Variants in PARD3B observed in about 807,000 individuals in gnomAD.
PARD3B encodes the protein partitioning defective 3 homolog B.
PARD3B carries 103 observed loss-of-function variants against 130.2 expected under a neutral mutation model. The ratio of observed to expected loss-of-function variants is 0.79; its 90% CI spans 0.67 to 0.93. PARD3B has a LOEUF of 0.93. Ranked by LOEUF, PARD3B falls within the 40% of genes least tolerant of loss-of-function variation. PARD3B has a pLI of 0.00. For missense variants in PARD3B, 1,609 were observed against 1,499.2 expected (o/e 1.07, Z -1.21); for synonymous variants, 583 against 553.2 (o/e 1.05, Z -0.76).
At chr2:205,549,472 A>G (rs576185978) in intron 21 of PARD3B, among the ~76,000 whole-genome samples, 1 of 152,314 alleles carries the variant, frequency 6.6e-6, no homozygotes, top group South Asian at 2.1e-4. Context: ...GAAATGAGCT[A>G]TCAAGCCATG....
chr2:205,442,411 G>A (rs1278664909), intron 20 of PARD3B, among the ~76,000 whole-genome samples: 1 of 144,994 alleles, frequency 6.9e-6, no homozygotes, highest in Non-Finnish European at 1.5e-5. Flanking sequence ...CGTTTCTCCT[G>A]CCTCAGCCTC....
chr2:205,337,237 A>G (rs2043347279), intron 18 of PARD3B, among the ~76,000 whole-genome samples: 2 of 152,192 alleles, frequency 1.3e-5, no homozygotes, highest in Admixed American at 1.3e-4. Context: ...ATATTTTGTG[A>G]CTTGAGGTTT....
intron 3 of PARD3B, among the ~76,000 whole-genome samples, chr2:204,974,225 A>G (rs1264061990): frequency 6.6e-6 from 1 of 152,194 alleles, no homozygotes; most frequent in Non-Finnish European, 1.5e-5. Flanking sequence ...GTAAAATTAG[A>G]GGAAAGGAAA....
Position 204,923,163 on chromosome 2 carries a change from C to T in PARD3B, c.223-41989C>T, listed in dbSNP as rs1269482079. 3.3e-5 allele frequency among the ~76,000 whole-genome samples: 5 copies of T among 151,848 alleles called. No homozygotes were observed. The South Asian group carries it at 8.3e-4, about 25-fold the overall frequency. ...TTATTAATTATATCAAGTGCTGAGACGAGAAAGTATTGACAATATCTGAAT... is the reference window on the plus strand; with the variant it reads ...TTATTAATTATATCAAGTGCTGAGATGAGAAAGTATTGACAATATCTGAAT... On this transcript the variant is annotated intron_variant, in intron 2 of 22. Transcript: ENST00000406610.
chr2:205,233,414 A>G (rs2038930289), intron 15 of PARD3B, among the ~76,000 whole-genome samples: 1 of 152,182 alleles, frequency 6.6e-6, no homozygotes, highest in African/African-American at 2.4e-5. Context: ...ATGGATCTAC[A>G]TAAATGAAGA....
Position 205,401,059 on chromosome 2 carries a change from G to A in PARD3B, c.2677G>A (p.Gly893Ser), listed in dbSNP as rs749882765. ...TAAGGGTGGAAAGGCTGAGCAGAAAGGTACTCTGAAACATGGTGGCCTGAG... is the reference window on the plus strand; with the variant it reads ...TAAGGGTGGAAAGGCTGAGCAGAAAAGTACTCTGAAACATGGTGGCCTGAG... ...EDKGGKAEQK[G>S]TLKHGGLREE... Residue 893 changes from glycine (G) to serine (S), a missense_variant, in exon 19 of 23, where the codon GGT becomes AGT. Coordinates refer to ENST00000406610, the MANE Select transcript of PARD3B (RefSeq NM_001302769.2). The A allele has an allele frequency of 6.2e-7, 1 of 1,604,070 alleles. No individual in the cohort carries two copies. Among genetic ancestry groups the A allele is most frequent in the Non-Finnish European group, 8.5e-7 (1 of 1,175,462 alleles).
At chr2:205,182,639 A>G (rs1419759890) in intron 13 of PARD3B, among the ~76,000 whole-genome samples, 1 of 152,216 alleles carries the variant, frequency 6.6e-6, no homozygotes, top group Non-Finnish European at 1.5e-5. Context: ...CAAAAGTGGC[A>G]TTTGATAAAT....
chr2:204,602,703 G>T (rs1031627102), intron 1 of PARD3B, among the ~76,000 whole-genome samples: 1 of 151,954 alleles, frequency 6.6e-6, no homozygotes, highest in African/African-American at 2.4e-5. Context: ...TGTTGGTGGG[G>T]GTGGGTGAGA....
intron 2 of PARD3B, among the ~76,000 whole-genome samples, chr2:204,959,708 T>A (rs1315288802): frequency 2.0e-5 from 3 of 152,312 alleles, no homozygotes; most frequent in Non-Finnish European, 4.4e-5. Context: ...GGTTTATGGA[T>A]ATCACTTTTT....
At chr2:205,170,379 G>A (rs993263175) in intron 11 of PARD3B, among the ~76,000 whole-genome samples, 20 of 152,160 alleles carry the variant, frequency 1.3e-4, no homozygotes, top group African/African-American at 4.6e-4. Flanking sequence ...TAAGTGAAAT[G>A]GGAAAACAAG....
intron 2 of PARD3B, among the ~76,000 whole-genome samples, chr2:204,729,730 G>C (rs867493808): frequency 6.6e-6 from 1 of 152,012 alleles, no homozygotes; most frequent in Middle Eastern, 3.4e-3. Flanking sequence ...AGAATACGCT[G>C]TTGTATTTTT....
chr2:205,156,352 T>G (rs7590062), intron 10 of PARD3B, among the ~76,000 whole-genome samples: 33 of 151,712 alleles, frequency 2.2e-4, no homozygotes, highest in African/African-American at 5.8e-4. Flanking sequence ...GCATGGCACA[T>G]GTATACATAT....
chr2:205,568,207 G>A lies in PARD3B; in HGVS notation c.3260+14804G>A, dbSNP rs2053432334. 6.6e-6 allele frequency among the ~76,000 whole-genome samples: 1 copy of A among 152,166 alleles called. No individual in the cohort carries two copies. Among genetic ancestry groups the A allele is most frequent in the African/African-American group, 2.4e-5 (1 of 41,428 alleles). ...GCTCAGGGTTCAAAGCAGATCAGTT[G>A]TGGTTGCCTTTCGTGAGAGAAAACA... On this transcript the variant is annotated intron_variant, in intron 22 of 22. Coordinates refer to ENST00000406610, the MANE Select transcript of PARD3B (RefSeq NM_001302769.2). The surrounding 1 kb of genome is among the most constrained non-coding windows in gnomAD (Gnocchi z 5.3).
intron 2 of PARD3B, among the ~76,000 whole-genome samples, chr2:204,724,852 TA>T (rs1429737528): frequency 1.0e-5 from 1 of 96,798 alleles, no homozygotes; most frequent in East Asian, 3.4e-4. Flanking sequence ...CGGGGGTGGG[TA>T]GGGGGAAGAC....
chr2:205,576,624 C>T (rs950357241), intron 22 of PARD3B, among the ~76,000 whole-genome samples: 2 of 152,098 alleles, frequency 1.3e-5, no homozygotes, highest in Admixed American at 6.6e-5. Flanking sequence ...GGTCTACTTC[C>T]GGACTTCCTA....
chr2:205,447,131 A>C (rs564171709), intron 20 of PARD3B, among the ~76,000 whole-genome samples: 1 of 152,342 alleles, frequency 6.6e-6, no homozygotes, highest in South Asian at 2.1e-4. Flanking sequence ...CATAGAAGAC[A>C]TATACCAAAT....
At position 205,585,875 on chromosome 2, in the gene PARD3B, G is replaced by A. The variant is rs1311334558; in HGVS notation, c.3261-29581G>A. Reference sequence around the variant, plus strand: ...AGTATCCACCCTCCGGCCACAGCAGGTCTGGTGGTCACGGGAACCCACATC... The same window carrying A: ...AGTATCCACCCTCCGGCCACAGCAGATCTGGTGGTCACGGGAACCCACATC... On this transcript the variant is annotated intron_variant, in intron 22 of 22. Transcript: ENST00000406610. The surrounding 1 kb of genome is among the most constrained non-coding windows in gnomAD (Gnocchi z 5.4). Among the ~76,000 whole-genome samples the A allele has an allele frequency of 1.3e-5, 2 of 152,164 alleles. No homozygotes were observed. Among genetic ancestry groups the A allele is most frequent in the South Asian group, 2.1e-4 (1 of 4,828 alleles).
chr2:205,619,508 C>T lies in PARD3B; in HGVS notation c.*3695C>T, dbSNP rs2055534574. On this transcript the variant is annotated 3_prime_UTR_variant, in exon 23 of 23. Transcript: ENST00000406610. ...AAAGACTGGTCTTAGTGCAATTAGG[C>T]AGGAGGGATTTGGACTCAGAAACAG... 6.6e-6 allele frequency: 1 copy of T among 152,124 alleles called. No homozygotes were observed. The highest frequency in any genetic ancestry group is 2.4e-5 in the African/African-American group (1 of 41,414). 9.4% of individuals were successfully genotyped at this position (152,124 alleles called of 1,614,324 possible). A position where few individuals can be genotyped will look rare whatever the true frequency, so the allele number is the denominator to read the frequency against.
intron 2 of PARD3B, among the ~76,000 whole-genome samples, chr2:204,878,766 C>T (rs1344016353): frequency 6.6e-6 from 1 of 152,076 alleles, no homozygotes; most frequent in Non-Finnish European, 1.5e-5. Flanking sequence ...GAAGTGGGTC[C>T]TGCTGTTTGG....
Sources: allele counts gnomAD v4.1 joint callset (sites outside exome capture counted in the v4.1 genomes callset), GRCh38; gene constraint gnomAD v4.1.1; non-coding constraint Gnocchi (gnomAD v3.1); transcripts MANE v1.5; gene names NCBI Gene and HGNC (gene_info 2026-07-23, HGNC 2026-07-21).